Variants in SYT9 observed in about 807,000 individuals in gnomAD.
SYT9 encodes the protein synaptotagmin 9.
In SYT9, 22 loss-of-function variants were observed where a neutral mutation model predicts 48.4. The observed-to-expected ratio is 0.45, with a 90% confidence interval of 0.32 to 0.65. The LOEUF (loss-of-function observed/expected upper bound fraction) is 0.65. Among genes scored for constraint, SYT9 ranks in the 30% least tolerant of loss-of-function variants. The pLI is 0.03. For synonymous variants in SYT9, 265 were observed against 245.0 expected (o/e 1.08, Z -0.76); for missense variants, 577 against 622.0 (o/e 0.93, Z 0.77).
At chr11:7,435,971 A>T (rs1001808005) in intron 6 of SYT9, 2 of 151,394 alleles carry the variant, frequency 1.3e-5, no homozygotes, top group African/African-American at 4.9e-5. Flanking sequence ...ACAGAGCCAG[A>T]CTTCATCTAG....
At chr11:7,375,514 C>A (rs1026016997) in intron 3 of SYT9, among the ~76,000 whole-genome samples, 2 of 152,088 alleles carry the variant, frequency 1.3e-5, no homozygotes, top group African/African-American at 4.8e-5. Context: ...GGCAGTATGG[C>A]CATTTTCATG....
chr11:7,428,934 T>G (rs1454930528), intron 6 of SYT9, among the ~76,000 whole-genome samples: 1 of 152,152 alleles, frequency 6.6e-6, no homozygotes, highest in African/African-American at 2.4e-5. Context: ...GGAAGTCCCA[T>G]GAGTGAATAC....
At chr11:7,274,854 T>C (rs1848358230) in intron 1 of SYT9, among the ~76,000 whole-genome samples, 2 of 152,158 alleles carry the variant, frequency 1.3e-5, no homozygotes, top group East Asian at 3.9e-4. Context: ...TCAGAAAACC[T>C]AGCAGTGGGT....
rs181226000 is a variant in SYT9, at chr11:7,302,926, C to T, written c.146-113C>T. ...AGCCATGCGCCCCAGCATGGCCTTC[C>T]GCAGTCGGCTCCCAAGGGATGAGTG... is the stretch of plus-strand genomic sequence containing the variant. On this transcript the variant is annotated intron_variant, in intron 1 of 6. Coordinates refer to ENST00000318881, the MANE Select transcript of SYT9 (RefSeq NM_175733.4). 939 of 956,492 alleles carry T rather than the reference C, an allele frequency of 9.8e-4. 3 individuals are homozygous for T. The highest frequency in any genetic ancestry group is 1.2e-3 in the Non-Finnish European group (776 of 621,120). 59.3% of individuals were successfully genotyped at this position (956,492 alleles called of 1,614,324 possible).
At chr11:7,301,662 C>T (rs1343696604) in intron 1 of SYT9, among the ~76,000 whole-genome samples, 2 of 152,196 alleles carry the variant, frequency 1.3e-5, no homozygotes, top group African/African-American at 2.4e-5. Context: ...TAGAGCTTAG[C>T]GTAGCACTTG....
chr11:7,246,703 C>G (rs923840233), intron 1 of SYT9, among the ~76,000 whole-genome samples: 2 of 152,160 alleles, frequency 1.3e-5, no homozygotes, highest in Non-Finnish European at 2.9e-5. Flanking sequence ...TTAAAACAAC[C>G]ACCATTTTAT....
At chr11:7,461,680 G>C (rs1192433315) in intron 6 of SYT9, among the ~76,000 whole-genome samples, 2 of 152,166 alleles carry the variant, frequency 1.3e-5, no homozygotes, top group African/African-American at 4.8e-5. Context: ...GCATAACTTT[G>C]TTTTCTTAGG....
intron 6 of SYT9, chr11:7,461,281 C>G (rs868284755): frequency 6.6e-6 from 1 of 152,156 alleles, no homozygotes; most frequent in Non-Finnish European, 1.5e-5. Flanking sequence ...TCCTTTTATT[C>G]TGTGTTCCTT....
Position 7,336,742 on chromosome 11 carries a change from A to G in SYT9, c.1044+22801A>G, listed in dbSNP as rs568332655. On this transcript the variant is annotated intron_variant, in intron 3 of 6. Transcript: ENST00000318881. ...AGTATCATGCTGTTTCAATTACTGT[A>G]GCCCTGTAGTAACAGGGTAACATGT... 3.9e-5 allele frequency among the ~76,000 whole-genome samples: 6 copies of G among 152,226 alleles called. No homozygotes were observed. In the East Asian group the frequency reaches 1.2e-3, roughly 29 times the overall value.
chr11:7,252,152 G>C lies in SYT9; in HGVS notation c.-35G>C. 1 of 1,389,818 alleles carries C rather than the reference G, an allele frequency of 7.2e-7. No individual in the cohort carries two copies. The highest frequency in any genetic ancestry group is 9.3e-7 in the Non-Finnish European group (1 of 1,075,890). The allele number at this position is 1,389,818 out of a possible 1,614,324, so 86.1% of individuals were successfully genotyped here. ...AGGCGGAGGGCTGTCTCCTGCGCCC[G>C]CCTGCCCGGCGCGGTCCGAGGATGC... On this transcript the variant is annotated 5_prime_UTR_variant, in exon 1 of 7. Transcript: ENST00000318881. The surrounding 1 kb of genome is among the most constrained non-coding windows in gnomAD (Gnocchi z 6.3).
At chr11:7,395,614 A>C (rs1183066299) in intron 3 of SYT9, among the ~76,000 whole-genome samples, 3 of 151,924 alleles carry the variant, frequency 2.0e-5, no homozygotes, top group African/African-American at 4.8e-5. Flanking sequence ...GTCCGTTTTT[A>C]TTATTGTTGG....
At chr11:7,349,683 T>C (rs1014538115) in intron 3 of SYT9, among the ~76,000 whole-genome samples, 3 of 152,208 alleles carry the variant, frequency 2.0e-5, no homozygotes, top group Non-Finnish European at 4.4e-5. Flanking sequence ...CCAGTTCTAG[T>C]GTGTTTTCCA....
intron 6 of SYT9, chr11:7,438,737 A>ACACATC (rs934667853): frequency 1.2e-4 from 19 of 152,156 alleles, no homozygotes; most frequent in Admixed American, 2.0e-4. Context: ...GTATGGAACA[A>ACACATC]CACATCCCCT....
intron 3 of SYT9, among the ~76,000 whole-genome samples, chr11:7,341,786 G>T (rs1026812159): frequency 6.6e-6 from 1 of 152,028 alleles, no homozygotes; most frequent in African/African-American, 2.4e-5. Flanking sequence ...AGTCATATTT[G>T]CAAGAAGCAG....
intron 1 of SYT9, among the ~76,000 whole-genome samples, chr11:7,279,223 A>G (rs1848449725): frequency 6.6e-6 from 1 of 152,196 alleles, no homozygotes; most frequent in Non-Finnish European, 1.5e-5. Context: ...TGAGAGCACT[A>G]AGGAAAGATG....
intron 5 of SYT9, among the ~76,000 whole-genome samples, 196 bp from the exon 6 acceptor site, chr11:7,420,310 C>T (rs1847326421): frequency 6.6e-6 from 1 of 152,150 alleles, no homozygotes; most frequent in Non-Finnish European, 1.5e-5. Context: ...AGTTTTAGGA[C>T]AGCCAGGGTA....
In SYT9 at chr11:7,395,859, G is replaced by A. The variant is rs118147103; in HGVS notation, c.1045-20183G>A. ...TTCATGGTTAATATTGATATGTGAG[G>A]TTTTGTTTCTGTTATGATGTTGTTA... On this transcript the variant is annotated intron_variant, in intron 3 of 6. Coordinates refer to ENST00000318881, the MANE Select transcript of SYT9 (RefSeq NM_175733.4). Among the ~76,000 whole-genome samples, 17 of 152,048 alleles carry A rather than the reference G, an allele frequency of 1.1e-4. No homozygotes were observed. The East Asian group carries it at 3.3e-3, about 29-fold the overall frequency.
intron 3 of SYT9, among the ~76,000 whole-genome samples, chr11:7,350,862 C>T (rs1285642367): frequency 6.6e-6 from 1 of 152,168 alleles, no homozygotes; most frequent in Admixed American, 6.5e-5. Flanking sequence ...GCTTTAAAAA[C>T]ATTTCTAAAT....
chr11:7,435,280 G>A (rs1357346428), intron 6 of SYT9: 2 of 152,232 alleles, frequency 1.3e-5, no homozygotes, highest in African/African-American at 4.8e-5. Context: ...AGTTGCTGCT[G>A]CCAGAGGAGA....
Sources: allele counts gnomAD v4.1 joint callset (sites outside exome capture counted in the v4.1 genomes callset), GRCh38; gene constraint gnomAD v4.1.1; non-coding constraint Gnocchi (gnomAD v3.1); transcripts MANE v1.5; gene names NCBI Gene and HGNC (gene_info 2026-07-23, HGNC 2026-07-21).